The following GABRB2 variants were observed in gnomAD, a reference collection of about 807,000 sequenced individuals.
GABRB2 encodes gamma-aminobutyric acid receptor subunit beta-2.
Under a neutral mutation model 54.7 loss-of-function variants are expected in GABRB2, and 16 were observed. The ratio of observed to expected loss-of-function variants is 0.29; its 90% CI spans 0.20 to 0.44. The LOEUF is 0.44. GABRB2 is among the 20% of genes least tolerant of loss of function. The pLI is 1.00. For missense variants in GABRB2, 355 were observed against 644.0 expected, an observed-to-expected ratio of 0.55 and a Z score of 4.86; for synonymous variants, 244 against 233.8, an observed-to-expected ratio of 1.04 and a Z score of -0.40.
chr5:161,501,369 A>C (rs73800525), intron 3 of GABRB2, among the ~76,000 whole-genome samples: 2,650 of 152,246 alleles, frequency 0.017, 86 homozygotes, highest in African/African-American at 0.061. Context: ...GGAATTAATT[A>C]CCTTTCAACA....
intron 5 of GABRB2, among the ~76,000 whole-genome samples, chr5:161,377,846 G>A (rs764568039): frequency 6.6e-6 from 1 of 151,896 alleles, no homozygotes; most frequent in Non-Finnish European, 1.5e-5. Context: ...AACACACAGT[G>A]TCTACATTTG....
chr5:161,478,577 T>C (rs1758662643), intron 3 of GABRB2, among the ~76,000 whole-genome samples: 1 of 152,064 alleles, frequency 6.6e-6, no homozygotes, highest in East Asian at 1.9e-4. Flanking sequence ...TCTTCAAAGG[T>C]TGTTAGTTTG....
chr5:161,340,518 G>T (rs138890277), intron 5 of GABRB2, among the ~76,000 whole-genome samples: 1 of 151,970 alleles, frequency 6.6e-6, no homozygotes, highest in Admixed American at 6.6e-5. Context: ...CCAATAAAGA[G>T]AACTCTTTAG....
Position 161,336,726 on chromosome 5 carries a change from A to G in GABRB2, c.585T>C (p.Asp195=). ...TCGTTACTCCTGTTACTGCATTATC[A>G]TCGCCACGCCAGTAAAACTCAATGT... ...TDDIEFYWRG[D]DNAVTGVTKI... is the part of the protein sequence containing the mutation. Residue 195 remains aspartate, a synonymous_variant, in exon 6 of 10, where the codon GAT becomes GAC. Coordinates refer to ENST00000393959, the MANE Select transcript of GABRB2 (RefSeq NM_001371727.1). The G allele has an allele frequency of 3.1e-6, 5 of 1,613,262 alleles. No individual in the cohort carries two copies. The highest frequency in any genetic ancestry group is 4.2e-6 in the Non-Finnish European group (5 of 1,179,656).
rs193099334 is a variant in GABRB2, at chr5:161,431,437, A to G, written c.459-20380T>C. ...AGCAATTAATGCTTTAAAGACATGT[A>G]TGCATGTATGATGATGTTTTCTATT... On this transcript the variant is annotated intron_variant, in intron 4 of 9. Coordinates refer to ENST00000393959, the MANE Select transcript of GABRB2 (RefSeq NM_001371727.1). 2.5e-3 allele frequency among the ~76,000 whole-genome samples: 377 copies of G among 152,292 alleles called. 3 individuals carry two copies. Among genetic ancestry groups the G allele is most frequent in the African/African-American group, 7.8e-3 (323 of 41,580 alleles).
At chr5:161,346,331 A>G (rs1035517002) in intron 5 of GABRB2, among the ~76,000 whole-genome samples, 1 of 152,096 alleles carries the variant, frequency 6.6e-6, no homozygotes, top group Non-Finnish European at 1.5e-5. Context: ...GCTCAAATGG[A>G]ATAATGTTCC....
At chr5:161,363,189 T>C (rs1754869135) in intron 5 of GABRB2, among the ~76,000 whole-genome samples, 1 of 152,198 alleles carries the variant, frequency 6.6e-6, no homozygotes, top group Non-Finnish European at 1.5e-5. Context: ...CATGGAATAC[T>C]ATGCAGTCAT....
intron 9 of GABRB2, among the ~76,000 whole-genome samples, chr5:161,315,047 G>C (rs1055913936): frequency 4.2e-4 from 64 of 152,030 alleles, no homozygotes; most frequent in Admixed American, 4.1e-3. Flanking sequence ...TATGGTAGAA[G>C]TATGTTAGTA....
At chr5:161,544,339 T>C (rs1021934795) in intron 3 of GABRB2, among the ~76,000 whole-genome samples, 1 of 152,070 alleles carries the variant, frequency 6.6e-6, no homozygotes, top group Non-Finnish European at 1.5e-5. Flanking sequence ...CTCCAAAGCA[T>C]GAGATTTTAA....
intron 3 of GABRB2, among the ~76,000 whole-genome samples, chr5:161,544,748 G>A (rs1319933075): frequency 6.6e-6 from 1 of 152,086 alleles, no homozygotes; most frequent in Non-Finnish European, 1.5e-5. Context: ...TGGGGGATGG[G>A]GGCTTGCCAT....
chr5:161,492,240 T>A (rs189307689), intron 3 of GABRB2, among the ~76,000 whole-genome samples: 1 of 151,802 alleles, frequency 6.6e-6, no homozygotes, highest in African/African-American at 2.4e-5. Context: ...AATTTAGTAA[T>A]TAAAAAATAA....
intron 5 of GABRB2, among the ~76,000 whole-genome samples, chr5:161,386,695 C>T (rs1350393118): frequency 6.6e-6 from 1 of 151,986 alleles, no homozygotes; most frequent in Non-Finnish European, 1.5e-5. Flanking sequence ...AGGCGTGCTA[C>T]CATGCCCAGC....
chr5:161,390,610 T>C (rs1045351268), intron 5 of GABRB2, among the ~76,000 whole-genome samples: 2 of 152,132 alleles, frequency 1.3e-5, no homozygotes, highest in Non-Finnish European at 2.9e-5. Flanking sequence ...ATATTAACAT[T>C]AGGCGAAGTT....
chr5:161,308,795 A>T (rs538497105), intron 9 of GABRB2, among the ~76,000 whole-genome samples: 59 of 152,366 alleles, frequency 3.9e-4, no homozygotes, highest in African/African-American at 1.3e-3. Context: ...TTGCTAGGAT[A>T]ACTGGCTAGC....
chr5:161,369,581 G>A (rs1211460677), intron 5 of GABRB2, among the ~76,000 whole-genome samples: 1 of 151,542 alleles, frequency 6.6e-6, no homozygotes, highest in African/African-American at 2.4e-5. Context: ...TCAGAAATTG[G>A]AATTTATTTG....
At chr5:161,426,316 C>T (rs753256348) in intron 4 of GABRB2, among the ~76,000 whole-genome samples, 1 of 152,104 alleles carries the variant, frequency 6.6e-6, no homozygotes, top group Non-Finnish European at 1.5e-5. Context: ...TAATTTTCTT[C>T]TAACTTGTGG....
At chr5:161,353,017 T>C in intron 5 of GABRB2, among the ~76,000 whole-genome samples, 1 of 152,058 alleles carries the variant, frequency 6.6e-6, no homozygotes, top group East Asian at 1.9e-4. Context: ...ATTTTCCATG[T>C]TGTTCTAAGA....
At chr5:161,307,241 T>C (rs1318433384) in intron 9 of GABRB2, among the ~76,000 whole-genome samples, 2 of 152,182 alleles carry the variant, frequency 1.3e-5, no homozygotes, top group African/African-American at 2.4e-5. Context: ...ATTATAGCAA[T>C]GTAGGCACTT....
intron 3 of GABRB2, among the ~76,000 whole-genome samples, chr5:161,532,736 C>T (rs1022101328): frequency 6.6e-6 from 1 of 152,114 alleles, no homozygotes; most frequent in African/African-American, 2.4e-5. Flanking sequence ...TATCTCATAT[C>T]TTTCTTCTAC....
Sources: gnomAD v4.1 joint callset for allele counts (sites outside exome capture counted in the v4.1 genomes callset) on GRCh38, gnomAD v4.1.1 for gene constraint, MANE v1.5 for transcripts, NCBI Gene and HGNC (gene_info 2026-07-23, HGNC 2026-07-21) for gene names.